Variants in AK7 observed in about 807,000 individuals in gnomAD.
AK7 encodes the protein ATP-AMP transphosphorylase 7.
AK7 carries 78 observed loss-of-function variants against 96.6 expected under a neutral mutation model. The ratio of observed to expected loss-of-function variants is 0.81; its 90% confidence interval spans 0.67 to 0.97. The LOEUF (loss-of-function observed/expected upper bound fraction) is 0.97. Among genes scored for constraint, AK7 ranks in the 50% least tolerant of loss-of-function variants. The pLI is 0.00. For missense variants in AK7, 855 were observed against 887.9 expected (o/e 0.96, Z 0.47); for synonymous variants, 302 against 317.2 (o/e 0.95, Z 0.51).
At chr14:96,394,011 A>T (rs1889907472) in intron 1 of AK7, among the ~76,000 whole-genome samples, 1 of 152,018 alleles carries the variant, frequency 6.6e-6, no homozygotes, top group African/African-American at 2.4e-5. Flanking sequence ...CTGGAGGCTG[A>T]GGCAGGAAAA....
At chr14:96,423,017 C>T (rs999833075) in intron 5 of AK7, among the ~76,000 whole-genome samples, 2 of 152,172 alleles carry the variant, frequency 1.3e-5, no homozygotes, top group African/African-American at 2.4e-5. Context: ...TTTCTTACCC[C>T]CATGAAGAGC....
chr14:96,487,522 C>T (rs1322075582), intron 17 of AK7, among the ~76,000 whole-genome samples: 1 of 149,498 alleles, frequency 6.7e-6, no homozygotes, highest in Admixed American at 6.6e-5. Context: ...CTCCACCTCC[C>T]GGTTCAAGTG....
At chr14:96,435,568 C>T (rs959101004) in intron 5 of AK7, among the ~76,000 whole-genome samples, 2 of 152,172 alleles carry the variant, frequency 1.3e-5, no homozygotes, top group African/African-American at 4.8e-5. Context: ...CATGCCCTCC[C>T]CAGTCCACTG....
chr14:96,437,807 C>A (rs1892724612), intron 5 of AK7, 28 bp from the exon 6 acceptor site: 3 of 1,517,784 alleles, frequency 2.0e-6, no homozygotes, highest in Non-Finnish European at 1.8e-6. Context: ...TTACATCCAG[C>A]TTTTTTTTTC....
chr14:96,451,609 G>A (rs766696940), intron 10 of AK7, 39 bp downstream of exon 10: 5 of 1,396,072 alleles, frequency 3.6e-6, no homozygotes, highest in South Asian at 1.9e-5. Flanking sequence ...TCTGATTCAA[G>A]CAAAATGAAT....
chr14:96,482,841 G>T, intron 15 of AK7, 158 bp from the exon 16 acceptor site: 1 of 835,884 alleles, frequency 1.2e-6, no homozygotes, highest in Non-Finnish European at 1.8e-6. Flanking sequence ...TTGCCCGTGA[G>T]AGAAGAAATT....
At chr14:96,475,506 C>T (rs2140163666) in intron 14 of AK7, among the ~76,000 whole-genome samples, 1 of 152,138 alleles carries the variant, frequency 6.6e-6, no homozygotes, top group African/African-American at 2.4e-5. Flanking sequence ...GGGGCCTGGT[C>T]CTGGGATGAT....
At chr14:96,392,593 C>T (rs753425455) in intron 1 of AK7, among the ~76,000 whole-genome samples, 4 of 152,222 alleles carry the variant, frequency 2.6e-5, no homozygotes, top group African/African-American at 4.8e-5. Context: ...GACTCCAGGT[C>T]TCTTGCCCCC....
chr14:96,408,763 C>T, intron 3 of AK7, 84 bp from the exon 4 acceptor site: 1 of 1,236,932 alleles, frequency 8.1e-7, no homozygotes, highest in African/African-American at 1.5e-5. Context: ...TTAAGTGGCT[C>T]CTACTGGTGA....
intron 5 of AK7, among the ~76,000 whole-genome samples, chr14:96,429,547 T>C (rs1457222141): frequency 6.6e-6 from 1 of 152,214 alleles, no homozygotes; most frequent in East Asian, 1.9e-4. Flanking sequence ...ATAAATTACC[T>C]TGGGCAGTAT....
chr14:96,431,456 T>A (rs1466364629), intron 5 of AK7, among the ~76,000 whole-genome samples: 1 of 152,244 alleles, frequency 6.6e-6, no homozygotes, highest in Non-Finnish European at 1.5e-5. Context: ...TCTGGTACGT[T>A]GTGTCTTTGT....
chr14:96,461,936 A>G (rs932739813), intron 12 of AK7, among the ~76,000 whole-genome samples: 2 of 152,182 alleles, frequency 1.3e-5, no homozygotes, highest in Non-Finnish European at 2.9e-5. Context: ...AAGGGCCCAG[A>G]AATCTTATCC....
At chr14:96,416,806 G>A (rs1181204547) in intron 4 of AK7, among the ~76,000 whole-genome samples, 1 of 152,188 alleles carries the variant, frequency 6.6e-6, no homozygotes, top group East Asian at 1.9e-4. Context: ...GGTCGCAAAG[G>A]TGCATCATAC....
At chr14:96,482,902 A>C in intron 15 of AK7, 97 bp from the exon 16 acceptor site, 2 of 1,195,748 alleles carry the variant, frequency 1.7e-6, no homozygotes, top group Non-Finnish European at 2.4e-6. Flanking sequence ...TAATTTACAT[A>C]ATTGACTATC....
chr14:96,464,544 CAAAAAAAAAAAAA>C lies in AK7; in HGVS notation c.1357+6344_1357+6356del, dbSNP rs375649324. 1.9e-4 allele frequency among the ~76,000 whole-genome samples: 11 copies of C among 57,666 alleles called. No homozygotes were observed. The East Asian group carries it at 6.3e-3, about 33-fold the overall frequency. The allele number at this position is 57,666 out of a possible 152,430, so 37.8% of individuals were successfully genotyped here. ...TGGGTGACAGAGCAAGACCCTGTCC[CAAAAAAAAAAAAA>C]AAAAAAAAAAAGGAGAAAGAGAGAG... On this transcript the variant is annotated intron_variant, in intron 12 of 17. Coordinates refer to ENST00000267584, the MANE Select transcript of AK7 (RefSeq NM_152327.5).
intron 15 of AK7, among the ~76,000 whole-genome samples, chr14:96,481,936 C>T (rs1895527634): frequency 6.6e-6 from 1 of 151,972 alleles, no homozygotes; most frequent in Admixed American, 6.6e-5. Context: ...AACTCCTGAC[C>T]TCAACCTACT....
In AK7 at chr14:96,472,754, T is replaced by TG; in HGVS notation, c.1555+1dup. ...TTCCCTTTGATAAATTAATTATACC[T>TG]GGTAAGTTTATTTCCCTAAGATCAC... is the stretch of plus-strand genomic sequence containing the variant. On this transcript the variant is annotated frameshift_variant and splice_region_variant, in exon 14 of 18. Coordinates refer to ENST00000267584, the MANE Select transcript of AK7 (RefSeq NM_152327.5). LOFTEE classifies it high-confidence loss of function. The TG allele has an allele frequency of 6.2e-7, 1 of 1,609,160 alleles. No individual in the cohort carries two copies.
chr14:96,421,730 C>T (rs1285722790), intron 5 of AK7, among the ~76,000 whole-genome samples: 4 of 151,892 alleles, frequency 2.6e-5, no homozygotes, highest in East Asian at 1.9e-4. Flanking sequence ...CTCAGCCTCC[C>T]GGGTAGCTGG....
intron 12 of AK7, among the ~76,000 whole-genome samples, chr14:96,463,313 A>T (rs1435040572): frequency 6.6e-6 from 1 of 152,148 alleles, no homozygotes; most frequent in Admixed American, 6.6e-5. Context: ...AAGATGAAGA[A>T]TGCACTTGGA....
Sources: gnomAD v4.1 joint callset for allele counts (sites outside exome capture counted in the v4.1 genomes callset) on GRCh38, gnomAD v4.1.1 for gene constraint, MANE v1.5 for transcripts, NCBI Gene and HGNC (gene_info 2026-07-23, HGNC 2026-07-21) for gene names.